The following ZNF695 variants were observed in gnomAD, a reference collection of about 807,000 sequenced individuals.
The protein encoded by ZNF695 is zinc finger protein SBZF3.
ZNF695 carries 11 observed loss-of-function variants against 11.2 expected under a neutral mutation model. The ratio of observed to expected loss-of-function variants is 0.98; its 90% CI spans 0.62 to 1.62. The LOEUF is 1.62. Ranked by LOEUF, ZNF695 falls within the 40% of genes most tolerant of loss-of-function variation. The pLI, the probability that ZNF695 is intolerant of heterozygous loss-of-function variation, is 0.00. For missense variants in ZNF695, 559 were observed against 590.5 expected, an observed-to-expected ratio of 0.95 and a Z score of 0.55; for synonymous variants, 190 against 201.4, an observed-to-expected ratio of 0.94 and a Z score of 0.48.
downstream of ZNF695, among the ~76,000 whole-genome samples, chr1:246,983,793 G>C (rs1668771581): frequency 6.6e-6 from 1 of 152,134 alleles, no homozygotes. Flanking sequence ...ACTCCAGCCT[G>C]GGTGACAGGG....
chr1:246,987,142 T>A lies in ZNF695; in HGVS notation c.1373A>T (p.His458Leu). ...FSYLTNHKRI[H>L]TGEKPYKCEE... ...ACATTTGTAGGGTTTCTCTCCAGTATGAATTCTCTTATGATTAGTAAGATA... is the reference window on the plus strand; with the variant it reads ...ACATTTGTAGGGTTTCTCTCCAGTAAGAATTCTCTTATGATTAGTAAGATA... Residue 458 changes from histidine (H) to leucine (L), a missense_variant, in exon 4 of 4, where the codon CAT becomes CTT. By Grantham distance (99) the His-to-Leu change is moderately conservative (BLOSUM62 -3). Transcript: ENST00000339986. 1 of 1,614,100 alleles carries A rather than the reference T, an allele frequency of 6.2e-7. No homozygotes were observed. The highest frequency in any genetic ancestry group is 8.5e-7 in the Non-Finnish European group (1 of 1,179,998).
At chr1:246,975,324 A>G (rs751304330) in intron 4 of ZNF695, among the ~76,000 whole-genome samples, 1 of 152,144 alleles carries the variant, frequency 6.6e-6, no homozygotes, top group East Asian at 1.9e-4. Context: ...GATATCCACC[A>G]ATATTTATTG....
chr1:247,007,611 A>G (rs1387699837), intron 1 of ZNF695, among the ~76,000 whole-genome samples: 1 of 151,968 alleles, frequency 6.6e-6, no homozygotes, highest in Non-Finnish European at 1.5e-5. Context: ...ATCACAGCAC[A>G]ATCCAGGGAA....
At chr1:247,005,136 T>C (rs1669496092) in intron 1 of ZNF695, among the ~76,000 whole-genome samples, 2 of 152,150 alleles carry the variant, frequency 1.3e-5, no homozygotes, top group South Asian at 2.1e-4. Context: ...AAAGCCATCC[T>C]GAACAAAAAG....
intron 5 of ZNF695, among the ~76,000 whole-genome samples, chr1:246,951,198 G>GT (rs1368187248): frequency 1.3e-5 from 2 of 152,102 alleles, no homozygotes; most frequent in Non-Finnish European, 2.9e-5. Flanking sequence ...CTTGGTCTCT[G>GT]TTATGCGCTG....
chr1:246,971,763 G>C (rs1425810249), intron 4 of ZNF695, among the ~76,000 whole-genome samples: 1 of 152,116 alleles, frequency 6.6e-6, no homozygotes. Flanking sequence ...TCTATTTCTA[G>C]TATAACTATT....
intron 5 of ZNF695, among the ~76,000 whole-genome samples, chr1:246,949,117 A>G (rs1392163433): frequency 6.6e-6 from 1 of 152,224 alleles, no homozygotes; most frequent in Non-Finnish European, 1.5e-5. Flanking sequence ...AGAACTCCAG[A>G]AAAGAATTAA....
intron 1 of ZNF695, 58 bp downstream of exon 1, chr1:247,007,848 C>A: frequency 1.3e-6 from 2 of 1,502,216 alleles, no homozygotes; most frequent in African/African-American, 1.4e-5. Context: ...CCAGCCAATT[C>A]CAACCGATTC....
chr1:247,001,805 A>AAT (rs1266094903), intron 1 of ZNF695, among the ~76,000 whole-genome samples: 1 of 152,022 alleles, frequency 6.6e-6, no homozygotes, highest in Non-Finnish European at 1.5e-5. Context: ...AACTATTCTA[A>AAT]ATATATATGC....
chr1:246,985,680 C>T lies in ZNF695; in HGVS notation c.*1287G>A. The T allele has an allele frequency of 1.0e-6, 1 of 985,346 alleles. No individual in the cohort carries two copies. The highest frequency in any genetic ancestry group is 1.2e-6 in the Non-Finnish European group (1 of 829,906). The allele number at this position is 985,346 out of a possible 1,614,324, so 61.0% of individuals were successfully genotyped here. ...TTCAAAATCCACTGAATTTTATTAC[C>T]TTAATGTGCAATAGGAAAAACAACT... On this transcript the variant is annotated 3_prime_UTR_variant, in exon 4 of 4. Transcript: ENST00000339986.
chr1:247,007,875 CT>C, intron 1 of ZNF695, 30 bp downstream of exon 1: 1 of 1,542,584 alleles, frequency 6.5e-7, no homozygotes, highest in Non-Finnish European at 8.8e-7. Flanking sequence ...CCCCCTCTCC[CT>C]TCTCGGGACA....
At position 246,963,089 on chromosome 1, in the gene ZNF695, A is replaced by G. The variant is rs1343885577; in HGVS notation, c.488+4606T>C. On this transcript the variant is annotated intron_variant, in intron 5 of 5. Transcript: ENST00000487338. ...TCTCCATGCCCCTCATTCCAGCTAT[A>G]TTCATCTAATGTCCATTTCCGATCA... Among the ~76,000 whole-genome samples the G allele has an allele frequency of 2.0e-5, 3 of 152,076 alleles. No individual in the cohort carries two copies. In the East Asian group the frequency reaches 5.8e-4, roughly 29 times the overall value.
intron 5 of ZNF695, among the ~76,000 whole-genome samples, chr1:246,965,510 G>A (rs916168760): frequency 1.3e-5 from 2 of 152,202 alleles, no homozygotes; most frequent in Non-Finnish European, 2.9e-5. Context: ...GCTGAGGCAG[G>A]CCGATCGCCT....
At position 246,986,036 on chromosome 1, in the gene ZNF695, CTCTT is replaced by C; in HGVS notation, c.*927_*930del. Reference sequence around the variant, plus strand: ...TATGTGATTTTCAAAAAAGCTAAAACTCTTTCAGTGCACCGAGTATACTTTATTA... The same window carrying C: ...TATGTGATTTTCAAAAAAGCTAAAACTCAGTGCACCGAGTATACTTTATTA... On this transcript the variant is annotated 3_prime_UTR_variant, in exon 4 of 4. Transcript: ENST00000339986. 3 of 983,868 alleles carry C rather than the reference CTCTT, an allele frequency of 3.0e-6. No homozygotes were observed. The highest frequency in any genetic ancestry group is 4.7e-5 in the South Asian group (1 of 21,258). The allele number at this position is 983,868 out of a possible 1,614,324, so 60.9% of individuals were successfully genotyped here. A position where few individuals can be genotyped will look rare whatever the true frequency, so the allele number is the denominator to read the frequency against.
Position 246,987,840 on chromosome 1 carries a change from T to A in ZNF695, c.675A>T (p.Ser225=). 1.2e-6 allele frequency: 2 copies of A among 1,611,706 alleles called. No homozygotes were observed. Among genetic ancestry groups the A allele is most frequent in the Non-Finnish European group, 1.7e-6 (2 of 1,179,340 alleles). Residue 225 remains serine (S), a synonymous_variant, in exon 4 of 4, where the codon TCA becomes TCT. Transcript: ENST00000339986. ...KKCGKAFNEC[S]CFTDCKRIHV... ...GAATTCTCTTACAGTCAGTAAAGCA[T>A]GAGCACTCATTAAAGGCTTTGCCAC... is the stretch of plus-strand genomic sequence containing the variant.
chr1:246,970,377 G>A (rs906325808), intron 4 of ZNF695, among the ~76,000 whole-genome samples: 6 of 152,132 alleles, frequency 3.9e-5, no homozygotes, highest in Admixed American at 1.3e-4. Context: ...GGCAATTTTC[G>A]AGTTGTTGTG....
chr1:247,003,967 C>T (rs535741891), intron 1 of ZNF695, among the ~76,000 whole-genome samples: 83 of 152,350 alleles, frequency 5.4e-4, no homozygotes, highest in African/African-American at 1.8e-3. Context: ...AATCCCAGCA[C>T]TTTGGGAGGC....
chr1:246,954,928 G>A (rs1667950669), intron 5 of ZNF695, among the ~76,000 whole-genome samples: 1 of 152,058 alleles, frequency 6.6e-6, no homozygotes, highest in Non-Finnish European at 1.5e-5. Flanking sequence ...ATCAGGTAAG[G>A]CCTTGATATG....
At chr1:247,005,696 A>C (rs76942648) in intron 1 of ZNF695, among the ~76,000 whole-genome samples, 1,930 of 152,176 alleles carry the variant, frequency 0.013, 37 homozygotes, top group African/African-American at 0.044. Flanking sequence ...AACAAACAAA[A>C]AAAACGATAA....
Sources: gnomAD v4.1 joint callset for allele counts (sites outside exome capture counted in the v4.1 genomes callset) on GRCh38, gnomAD v4.1.1 for gene constraint, MANE v1.5 for transcripts, NCBI Gene and HGNC (gene_info 2026-07-23, HGNC 2026-07-21) for gene names.